The following CACNA2D1 variants were observed in gnomAD, a reference collection of about 807,000 sequenced individuals.
CACNA2D1 encodes the protein calcium voltage-gated channel auxiliary subunit alpha2delta 1.
CACNA2D1 carries 53 observed loss-of-function variants against 171.5 expected under a neutral mutation model. The observed-to-expected ratio is 0.31, with a 90% CI of 0.25 to 0.39. The LOEUF (loss-of-function observed/expected upper bound fraction) is 0.39, where lower values mean the gene tolerates loss of function less well. CACNA2D1 is among the 10% of genes least tolerant of loss of function. CACNA2D1 has a pLI of 1.00. For missense variants in CACNA2D1, 903 were observed against 1,299.8 expected (o/e 0.69, Z 4.69); for synonymous variants, 442 against 443.1 (o/e 1.00, Z 0.03).
At chr7:82,012,064 A>G in intron 15 of CACNA2D1, 90 bp downstream of exon 15, 3 of 853,748 alleles carry the variant, frequency 3.5e-6, no homozygotes, top group Non-Finnish European at 6.1e-6. Flanking sequence ...TTTAATGAAA[A>G]GGAAAACAGA....
rs10239627 is a variant in CACNA2D1, at chr7:82,049,359, G to A, written c.879+11069C>T. ...TTAATTCCATTTCTTCCTGTTTTAA[G>A]ACCTCCTCCCATCCCCAAAGAAACA... On this transcript the variant is annotated intron_variant, in intron 10 of 38. Coordinates refer to ENST00000356860, the MANE Select transcript of CACNA2D1 (RefSeq NM_000722.4). Among the ~76,000 whole-genome samples the A allele has an allele frequency of 4.3e-3, 650 of 151,874 alleles. 9 individuals are homozygous for A. Among genetic ancestry groups the A allele is most frequent in the African/African-American group, 0.015 (631 of 41,378 alleles).
intron 1 of CACNA2D1, among the ~76,000 whole-genome samples, chr7:82,380,751 G>C (rs62465968): frequency 0.13 from 19,475 of 151,996 alleles, 1,439 homozygotes; most frequent in Middle Eastern, 0.25. Context: ...CTGGTGTGCG[G>C]TGGCATGATC....
intron 12 of CACNA2D1, among the ~76,000 whole-genome samples, chr7:82,017,162 T>C (rs923324506): frequency 6.6e-6 from 1 of 152,118 alleles, no homozygotes; most frequent in Non-Finnish European, 1.5e-5. Context: ...TTATGGATTA[T>C]ATAGATTATC....
chr7:82,221,494 T>G (rs1801756598), intron 3 of CACNA2D1, among the ~76,000 whole-genome samples: 1 of 152,116 alleles, frequency 6.6e-6, no homozygotes, highest in Non-Finnish European at 1.5e-5. Context: ...CCTGTAATTC[T>G]GGCACTTAAA....
At chr7:82,088,980 T>G (rs1810810817) in intron 6 of CACNA2D1, among the ~76,000 whole-genome samples, 1 of 152,048 alleles carries the variant, frequency 6.6e-6, no homozygotes, top group Non-Finnish European at 1.5e-5. Flanking sequence ...CCTATGAGAA[T>G]CTAATGCTGC....
intron 3 of CACNA2D1, among the ~76,000 whole-genome samples, chr7:82,200,044 AT>A (rs1799252349): frequency 6.6e-6 from 1 of 152,104 alleles, no homozygotes; most frequent in South Asian, 2.1e-4. Context: ...TAGGACAGAA[AT>A]TGGAATAGCA....
At chr7:82,278,145 A>C (rs1410944077) in intron 3 of CACNA2D1, among the ~76,000 whole-genome samples, 1 of 152,208 alleles carries the variant, frequency 6.6e-6, no homozygotes, top group African/African-American at 2.4e-5. Flanking sequence ...AACTTTTGGT[A>C]TGATTCCCAT....
chr7:82,196,646 A>G (rs1275556087), intron 3 of CACNA2D1, among the ~76,000 whole-genome samples: 2 of 152,030 alleles, frequency 1.3e-5, no homozygotes, highest in Non-Finnish European at 2.9e-5. Flanking sequence ...GATGGAGGGG[A>G]GCAAAGTCAT....
intron 3 of CACNA2D1, among the ~76,000 whole-genome samples, chr7:82,293,368 TG>T: frequency 6.6e-6 from 1 of 152,348 alleles, no homozygotes; most frequent in South Asian, 2.1e-4. Context: ...ACATAATCTT[TG>T]TTTATCCATA....
In CACNA2D1 at chr7:81,950,389, A is replaced by G. The variant is rs766856402; in HGVS notation, c.*3T>C. 1.2e-6 allele frequency: 2 copies of G among 1,613,244 alleles called. No individual in the cohort carries two copies. Among genetic ancestry groups the G allele is most frequent in the Non-Finnish European group, 1.7e-6 (2 of 1,179,468 alleles). Reference sequence around the variant, plus strand: ...TAACTATGCAGATTTGGTTTTTAGAAGGTCATAACAGGCGGTGTGTGCTGC... The same window carrying G: ...TAACTATGCAGATTTGGTTTTTAGAGGGTCATAACAGGCGGTGTGTGCTGC... On this transcript the variant is annotated 3_prime_UTR_variant, in exon 39 of 39. Coordinates refer to ENST00000356860, the MANE Select transcript of CACNA2D1 (RefSeq NM_000722.4).
chr7:82,034,538 G>GT (rs1383540496), intron 11 of CACNA2D1, among the ~76,000 whole-genome samples: 1 of 151,950 alleles, frequency 6.6e-6, no homozygotes, highest in African/African-American at 2.4e-5. Flanking sequence ...ATCTTTGAAG[G>GT]TAACCTATCT....
chr7:82,426,174 A>AATAC (rs1373354638), intron 1 of CACNA2D1, among the ~76,000 whole-genome samples: 4 of 111,964 alleles, frequency 3.6e-5, no homozygotes, highest in African/African-American at 7.6e-5. Flanking sequence ...TAAATAAATA[A>AATAC]ATAAATACAT....
intron 1 of CACNA2D1, among the ~76,000 whole-genome samples, chr7:82,380,671 A>T (rs2129449282): frequency 6.6e-6 from 1 of 152,122 alleles, no homozygotes; most frequent in Non-Finnish European, 1.5e-5. Context: ...ATAACCTCCC[A>T]ACTACTCATT....
intron 3 of CACNA2D1, among the ~76,000 whole-genome samples, chr7:82,185,598 G>A (rs1187219407): frequency 2.1e-5 from 3 of 144,028 alleles, no homozygotes; most frequent in African/African-American, 7.6e-5. Context: ...TGCAGTGTAA[G>A]GGTAGGAATT....
intron 8 of CACNA2D1, among the ~76,000 whole-genome samples, chr7:82,064,977 T>G (rs1041642496): frequency 3.3e-5 from 5 of 152,120 alleles, no homozygotes; most frequent in African/African-American, 9.7e-5. Flanking sequence ...TAGAAGAGAT[T>G]TATGCAGATG....
chr7:82,025,341 T>C (rs943319697), intron 12 of CACNA2D1, among the ~76,000 whole-genome samples: 1 of 151,692 alleles, frequency 6.6e-6, no homozygotes, highest in South Asian at 2.1e-4. Context: ...GTTTTCAGTA[T>C]ATAAAACTCC....
rs1308873844 is a variant in CACNA2D1 at position 82,376,865 on chromosome 7, C to G, written c.96-27216G>C. 2.0e-5 allele frequency among the ~76,000 whole-genome samples: 3 copies of G among 152,194 alleles called. No individual in the cohort carries two copies. In the East Asian group the frequency reaches 5.8e-4, roughly 29 times the overall value. The stretch of plus-strand genomic sequence containing the variant: ...GAAAACAGAAACAAAACCAACACTA[C>G]TTTAGAATAAAATGCTGAACAATGA... On this transcript the variant is annotated intron_variant, in intron 1 of 38. Coordinates refer to ENST00000356860, the MANE Select transcript of CACNA2D1 (RefSeq NM_000722.4).
At chr7:82,251,377 T>C (rs529506008) in intron 3 of CACNA2D1, among the ~76,000 whole-genome samples, 2 of 152,302 alleles carry the variant, frequency 1.3e-5, no homozygotes, top group Non-Finnish European at 2.9e-5. Context: ...TATATCTTGA[T>C]AGTAATTTGT....
intron 36 of CACNA2D1, among the ~76,000 whole-genome samples, chr7:81,961,337 A>T (rs1794090958): frequency 6.6e-6 from 1 of 151,924 alleles, no homozygotes; most frequent in South Asian, 2.1e-4. Flanking sequence ...ACTAACATTA[A>T]CCATGACCTA....
Sources: allele counts gnomAD v4.1 joint callset (sites outside exome capture counted in the v4.1 genomes callset), GRCh38; gene constraint gnomAD v4.1.1; transcripts MANE v1.5; gene names NCBI Gene and HGNC (gene_info 2026-07-23, HGNC 2026-07-21).